Variants in NUCB1 observed in about 807,000 individuals in gnomAD.
NUCB1 encodes nucleobindin 1, also known as nucleobindin-1.
NUCB1 carries 47 observed loss-of-function variants against 61.2 expected under a neutral mutation model. The observed-to-expected ratio is 0.77, with a 90% CI of 0.61 to 0.98. The LOEUF is 0.98. Among genes scored for constraint, NUCB1 ranks in the 50% least tolerant of loss-of-function variants. The pLI, the probability that NUCB1 is intolerant of heterozygous loss-of-function variation, is 0.00. For synonymous variants in NUCB1, 234 were observed against 243.1 expected, an observed-to-expected ratio of 0.96 and a Z score of 0.35; for missense variants, 583 against 605.3, an observed-to-expected ratio of 0.96 and a Z score of 0.39.
intron 4 of NUCB1, among the ~76,000 whole-genome samples, chr19:48,906,805 G>A (rs898259840): frequency 2.6e-5 from 4 of 152,014 alleles, no homozygotes; most frequent in Admixed American, 6.6e-5. Context: ...CCCTGACCTG[G>A]CTTCTCTAGT....
chr19:48,918,784 G>C lies in NUCB1; in HGVS notation c.816G>C (p.Glu272Asp), dbSNP rs983949855. ...AGCTGGAGGCACTCTTCACCAAGGAGGTGAGCATCTTGGAAGCCTCGGGCA... is the reference window on the plus strand; with the variant it reads ...AGCTGGAGGCACTCTTCACCAAGGACGTGAGCATCTTGGAAGCCTCGGGCA... Reference protein sequence around the residue: ...EQELEALFTKELEKVYDPKNE... With the variant: ...EQELEALFTKDLEKVYDPKNE... The change falls in exon 8 of 13, where the codon GAG becomes GAC. Residue 272 changes from glutamate to aspartate, a missense_variant and splice_region_variant. Coordinates refer to ENST00000405315, the MANE Select transcript of NUCB1 (RefSeq NM_006184.6). 2 of 1,613,920 alleles carry C rather than the reference G, an allele frequency of 1.2e-6. No individual in the cohort carries two copies. The highest frequency in any genetic ancestry group is 1.7e-6 in the Non-Finnish European group (2 of 1,179,818).
At position 48,913,020 on chromosome 19, in the gene NUCB1, G is replaced by C. The variant is rs765072483; in HGVS notation, c.490G>C (p.Asp164His). 1 of 1,608,442 alleles carries C rather than the reference G, an allele frequency of 6.2e-7. No homozygotes were observed. The highest frequency in any genetic ancestry group is 2.2e-5 in the East Asian group (1 of 44,752). ...CTGTGCCTTTCCCCAGGCCACCCGG[G>C]ACCTTGCCCAGTACGACGCAGCCCA... ...LELLIQTATR[D>H]LAQYDAAHHE... is the part of the protein sequence containing the mutation. The change falls in exon 6 of 13, where the codon GAC becomes CAC. Residue 164 changes from aspartate to histidine, a missense_variant. Coordinates refer to ENST00000405315, the MANE Select transcript of NUCB1 (RefSeq NM_006184.6).
intron 4 of NUCB1, among the ~76,000 whole-genome samples, chr19:48,908,697 G>GTGTGTC (rs1332437792): frequency 2.1e-4 from 28 of 136,004 alleles, no homozygotes; most frequent in Non-Finnish European, 4.3e-4. Context: ...GTGTGTGTGT[G>GTGTGTC]TCTTTCTGCC....
rs1268800077 is a variant in NUCB1, at chr19:48,921,149, T to A, written c.1003-5T>A. The A allele has an allele frequency of 6.2e-7, 1 of 1,602,740 alleles. No homozygotes were observed. Among genetic ancestry groups the A allele is most frequent in the Non-Finnish European group, 8.5e-7 (1 of 1,172,800 alleles). On this transcript the variant is annotated splice_region_variant and splice_polypyrimidine_tract_variant and intron_variant, in intron 10 of 12. Coordinates refer to ENST00000405315, the MANE Select transcript of NUCB1 (RefSeq NM_006184.6). ...CCCCTGATGGCCCCTGTGCCTGCCCTGCAGACAGTGGAGATGCACCCTGCC... is the reference window on the plus strand; with the variant it reads ...CCCCTGATGGCCCCTGTGCCTGCCCAGCAGACAGTGGAGATGCACCCTGCC...
chr19:48,905,629 G>A lies in NUCB1; in HGVS notation c.244-124G>A, dbSNP rs868761770. 29 of 1,153,342 alleles carry A rather than the reference G, an allele frequency of 2.5e-5. 1 individual carries two copies. In the South Asian group the frequency reaches 4.1e-4, roughly 16 times the overall value. The allele number at this position is 1,153,342 out of a possible 1,614,324, so 71.4% of individuals were successfully genotyped here. On this transcript the variant is annotated intron_variant, in intron 3 of 12. Transcript: ENST00000405315. ...AGCTGTCCTTCCTGGAGACTCTGAG[G>A]AGCTGGGGGACTATAAGCAGGGAAG... is the stretch of plus-strand genomic sequence containing the variant.
Position 48,913,190 on chromosome 19 carries a change from C to T in NUCB1, c.660C>T (p.Asn220=), listed in dbSNP as rs1254997406. The T allele has an allele frequency of 2.5e-6, 4 of 1,611,154 alleles. No individual in the cohort carries two copies. Among genetic ancestry groups the T allele is most frequent in the Non-Finnish European group, 3.4e-6 (4 of 1,178,810 alleles). Residue 220 remains asparagine (N), a synonymous_variant, in exon 6 of 13, where the codon AAC becomes AAT. Coordinates refer to ENST00000405315, the MANE Select transcript of NUCB1 (RefSeq NM_006184.6). ...QRRHREHPKV[N]VPGSQAQLKE... ...GGCACCGCGAGCACCCTAAAGTCAA[C>T]GTGCCTGTGAGGACCCCATTTGTGC...
intron 7 of NUCB1, among the ~76,000 whole-genome samples, chr19:48,915,399 G>A (rs555264794): frequency 6.6e-6 from 1 of 152,264 alleles, no homozygotes; most frequent in African/African-American, 2.4e-5. Context: ...TCAGGAGGCT[G>A]AGGTAGGAGA....
At chr19:48,912,862 AG>A (rs2037491521) in intron 5 of NUCB1, 148 bp from the exon 6 acceptor site, 4 of 399,392 alleles carry the variant, frequency 1.0e-5, no homozygotes, top group Admixed American at 4.3e-5. Flanking sequence ...AAAAAAAAAA[AG>A]GGACATTAGG....
At chr19:48,916,489 G>A (rs1448896948) in intron 7 of NUCB1, among the ~76,000 whole-genome samples, 4 of 151,972 alleles carry the variant, frequency 2.6e-5, no homozygotes, top group East Asian at 1.9e-4. Flanking sequence ...GTGTGGTGGC[G>A]TGCATCTGTA....
intron 3 of NUCB1, 137 bp from the exon 4 acceptor site, chr19:48,905,616 T>C (rs1287904361): frequency 2.9e-6 from 3 of 1,025,610 alleles, no homozygotes; most frequent in Non-Finnish European, 4.3e-6. Context: ...CTGTCCTTCC[T>C]GGAGACTCTG....
chr19:48,908,436 A>T (rs1253971527), intron 4 of NUCB1, among the ~76,000 whole-genome samples: 1 of 152,090 alleles, frequency 6.6e-6, no homozygotes, highest in Admixed American at 6.6e-5. Context: ...GGCCTCCAAG[A>T]GTCAGAATTC....
At chr19:48,917,609 G>C (rs2122203004) in intron 7 of NUCB1, among the ~76,000 whole-genome samples, 1 of 152,242 alleles carries the variant, frequency 6.6e-6, no homozygotes, top group South Asian at 2.1e-4. Flanking sequence ...CTATTCTCCT[G>C]CCTCAGCCTC....
chr19:48,919,625 G>A (rs539817994), intron 10 of NUCB1, among the ~76,000 whole-genome samples: 10 of 151,764 alleles, frequency 6.6e-5, no homozygotes, highest in Admixed American at 1.3e-4. Flanking sequence ...TTATAGGTGC[G>A]TGCCACCACA....
chr19:48,908,719 G>GGGGT (rs201262147), intron 4 of NUCB1, among the ~76,000 whole-genome samples: 2,412 of 70,212 alleles, frequency 0.034, 99 homozygotes, highest in African/African-American at 0.1. Flanking sequence ...ACTTGACCAA[G>GGGGT]GGGTGTGTGT....
rs754804979 is a variant in NUCB1, at chr19:48,905,796, T to A, written c.287T>A (p.Val96Asp). 32 of 1,613,424 alleles carry A rather than the reference T, an allele frequency of 2.0e-5. No homozygotes were observed. Among genetic ancestry groups the A allele is most frequent in the Admixed American group, 3.3e-5 (2 of 59,930 alleles). ...SRELDFVSHH[V>D]RTKLDELKRQ... Reference sequence around the variant, plus strand: ...GAGCTGGACTTTGTCAGCCACCACGTCCGCACCAAGCTGGATGAGCTCAAG... The same window carrying A: ...GAGCTGGACTTTGTCAGCCACCACGACCGCACCAAGCTGGATGAGCTCAAG... The change falls in exon 4 of 13, where the codon GTC (valine) becomes GAC (aspartate). Residue 96 changes from valine (V) to aspartate (D), a missense_variant. Val to Asp is a radical substitution (Grantham distance 152, BLOSUM62 -3). Transcript: ENST00000405315.
intron 5 of NUCB1, among the ~76,000 whole-genome samples, chr19:48,912,306 G>A (rs1184865349): frequency 2.0e-5 from 3 of 152,050 alleles, no homozygotes; most frequent in Non-Finnish European, 4.4e-5. Context: ...GATTCCAGGC[G>A]TGACCCACCT....
intron 7 of NUCB1, 168 bp from the exon 8 acceptor site, chr19:48,918,558 G>A (rs996377908): frequency 2.7e-5 from 17 of 633,144 alleles, no homozygotes; most frequent in South Asian, 3.8e-5. Flanking sequence ...CCCTAGCAAC[G>A]GGTCTAGTGG....
rs757681738 is a variant in NUCB1, at chr19:48,919,235, C to T, written c.951C>T (p.Phe317=). 25 of 1,613,806 alleles carry T rather than the reference C, an allele frequency of 1.5e-5. No homozygotes were observed. The highest frequency in any genetic ancestry group is 2.7e-5 in the African/African-American group (2 of 74,872). ...NQDRLVTLEE[F]LASTQRKEFG... ...ACCGCCTCGTGACCCTGGAGGAGTT[C>T]CTCGCATCCACTCAGAGGAAGGAGT... Residue 317 remains phenylalanine, a synonymous_variant, in exon 10 of 13, where the codon TTC becomes TTT. Transcript: ENST00000405315.
intron 10 of NUCB1, among the ~76,000 whole-genome samples, chr19:48,919,505 TCTCA>T (rs1420478185): frequency 1.3e-5 from 2 of 150,646 alleles, no homozygotes; most frequent in East Asian, 1.9e-4. Context: ...TGAGACGGAG[TCTCA>T]CTCCATCGCC....
Sources: gnomAD v4.1 joint callset for allele counts (sites outside exome capture counted in the v4.1 genomes callset) on GRCh38, gnomAD v4.1.1 for gene constraint, MANE v1.5 for transcripts, NCBI Gene and HGNC (gene_info 2026-07-23, HGNC 2026-07-21) for gene names.